Variants in ARL15 observed in about 807,000 individuals in gnomAD.
ARL15 encodes the protein ARF like GTPase 15.
In ARL15, 19 loss-of-function variants were observed where a neutral mutation model predicts 25.2. The observed-to-expected ratio is 0.75, with a 90% CI of 0.53 to 1.10. The LOEUF (loss-of-function observed/expected upper bound fraction) is 1.10, where lower values mean the gene tolerates loss of function less well. Among genes scored for constraint, ARL15 ranks in the 50% least tolerant of loss-of-function variants. The probability of loss-of-function intolerance (pLI) is 0.00; values close to 1 mark genes in which losing one functional copy is unlikely to be tolerated. For synonymous variants in ARL15, 94 were observed against 86.8 expected, an observed-to-expected ratio of 1.08 and a Z score of -0.46; for missense variants, 220 against 246.0, an observed-to-expected ratio of 0.89 and a Z score of 0.71.
In ARL15 at chr5:54,157,693, G is replaced by A. The variant is rs188377087; in HGVS notation, c.194-3054C>T. Among the ~76,000 whole-genome samples, 250 of 152,256 alleles carry A rather than the reference G, an allele frequency of 1.6e-3. 2 individuals carry two copies. Among genetic ancestry groups the A allele is most frequent in the Admixed American group, 8.1e-3 (124 of 15,292 alleles). On this transcript the variant is annotated intron_variant, in intron 2 of 4. Transcript: ENST00000504924. ...CCCAAAGTGCTGGGATTACAGGCAC[G>A]AGCCTCCGCACCCAGCCCCCTAACA...
intron 4 of ARL15, among the ~76,000 whole-genome samples, chr5:53,989,590 TG>T (rs1303883013): frequency 2.0e-5 from 3 of 152,000 alleles, no homozygotes; most frequent in Non-Finnish European, 4.4e-5. Flanking sequence ...TGTGTGTGTG[TG>T]TGTGTGTGTA....
rs138345835 is a variant in ARL15, at chr5:54,141,449, C to T, written c.253+13131G>A. On this transcript the variant is annotated intron_variant, in intron 3 of 4. Coordinates refer to ENST00000504924, the MANE Select transcript of ARL15 (RefSeq NM_019087.3). The stretch of plus-strand genomic sequence containing the variant: ...AATCCAAGAAAAGGGCCAAAGTCTC[C>T]ACAAAACACAATTTCAACGATTTTT... Among the ~76,000 whole-genome samples, 167 of 152,044 alleles carry T rather than the reference C, an allele frequency of 1.1e-3. 1 individual carries two copies. Among genetic ancestry groups the T allele is most frequent in the African/African-American group, 3.7e-3 (153 of 41,472 alleles).
intron 4 of ARL15, among the ~76,000 whole-genome samples, chr5:54,024,895 G>A (rs1749736843): frequency 1.3e-5 from 2 of 152,062 alleles, no homozygotes; most frequent in South Asian, 4.1e-4. Flanking sequence ...CATTTTTTAT[G>A]CATTTACCAA....
Position 54,231,184 on chromosome 5 carries a change from C to G in ARL15, c.49-59256G>C, listed in dbSNP as rs559363560. Among the ~76,000 whole-genome samples, 43 of 152,306 alleles carry G rather than the reference C, an allele frequency of 2.8e-4. 1 individual carries two copies. Among genetic ancestry groups the G allele is most frequent in the African/African-American group, 8.7e-4 (36 of 41,576 alleles). On this transcript the variant is annotated intron_variant, in intron 1 of 4. Transcript: ENST00000504924. ...TGCACCCTTGGCTCCTCTCAACTTG[C>G]TGCTCTGCTGTTCTCTAGTTCAGTG...
At chr5:54,164,667 T>G (rs533945490) in intron 2 of ARL15, among the ~76,000 whole-genome samples, 1 of 152,196 alleles carries the variant, frequency 6.6e-6, no homozygotes, top group South Asian at 2.1e-4. Context: ...AATATTAACA[T>G]AGCTACCCCA....
At chr5:54,169,476 C>T (rs1754661561) in intron 2 of ARL15, among the ~76,000 whole-genome samples, 1 of 152,158 alleles carries the variant, frequency 6.6e-6, no homozygotes, top group African/African-American at 2.4e-5. Flanking sequence ...GTAACAATAG[C>T]CATGTCACCA....
At chr5:54,308,507 T>C (rs72756300) in intron 1 of ARL15, among the ~76,000 whole-genome samples, 41,990 of 152,184 alleles carry the variant, frequency 0.28, 7,114 homozygotes, top group Non-Finnish European at 0.36. Context: ...TGTTAGTAAA[T>C]TGGCAAAGAA....
intron 2 of ARL15, among the ~76,000 whole-genome samples, chr5:54,166,006 T>A (rs1046773865): frequency 1.3e-5 from 2 of 152,140 alleles, no homozygotes; most frequent in African/African-American, 4.8e-5. Context: ...TCCGCAGATT[T>A]AAGTATTAAG....
Position 54,064,512 on chromosome 5 carries a change from T to C in ARL15, c.462+48690A>G, listed in dbSNP as rs1300307017. Among the ~76,000 whole-genome samples, 4 of 152,108 alleles carry C rather than the reference T, an allele frequency of 2.6e-5. No individual in the cohort carries two copies. In the East Asian group the frequency reaches 7.7e-4, roughly 29 times the overall value. On this transcript the variant is annotated intron_variant, in intron 4 of 4. Transcript: ENST00000504924. ...AGTAATTGAATTGTGCTTAGAGAAATGAGGATTGAGAAAAAGGCAGCATTG... is the reference window on the plus strand; with the variant it reads ...AGTAATTGAATTGTGCTTAGAGAAACGAGGATTGAGAAAAAGGCAGCATTG...
intron 4 of ARL15, among the ~76,000 whole-genome samples, chr5:54,098,498 C>T (rs898157719): frequency 2.0e-4 from 31 of 152,042 alleles, no homozygotes; most frequent in African/African-American, 7.0e-4. Flanking sequence ...GTGGAACTGC[C>T]CGGGGTTCCC....
At chr5:54,010,202 AGATTT>A (rs1407128723) in intron 4 of ARL15, among the ~76,000 whole-genome samples, 1 of 152,218 alleles carries the variant, frequency 6.6e-6, no homozygotes, top group Non-Finnish European at 1.5e-5. Flanking sequence ...CTTGAACAGG[AGATTT>A]GCTAAACAAT....
At chr5:53,913,850 A>G (rs76773015) in intron 4 of ARL15, among the ~76,000 whole-genome samples, 3,512 of 152,232 alleles carry the variant, frequency 0.023, 138 homozygotes, top group African/African-American at 0.081. Flanking sequence ...TTATCACTCT[A>G]ATGGTATTTA....
intron 4 of ARL15, among the ~76,000 whole-genome samples, chr5:53,959,763 G>A (rs1453798393): frequency 6.6e-6 from 1 of 152,034 alleles, no homozygotes. Flanking sequence ...ATCCAACGTT[G>A]CATTCCTCCT....
intron 3 of ARL15, among the ~76,000 whole-genome samples, chr5:54,133,680 GA>G (rs995089983): frequency 6.6e-6 from 1 of 152,046 alleles, no homozygotes; most frequent in African/African-American, 2.4e-5. Context: ...CATCAAAGAA[GA>G]AATGGTTACT....
At chr5:54,188,602 T>A (rs1221973094) in intron 1 of ARL15, among the ~76,000 whole-genome samples, 1 of 152,170 alleles carries the variant, frequency 6.6e-6, no homozygotes, top group Admixed American at 6.6e-5. Flanking sequence ...ATAAAATGTA[T>A]CTGAGAGGAT....
chr5:53,927,901 A>G (rs1746081140), intron 4 of ARL15, among the ~76,000 whole-genome samples: 1 of 152,134 alleles, frequency 6.6e-6, no homozygotes, highest in Admixed American at 6.5e-5. Context: ...GTGACCGTGG[A>G]TGTTTCCCTT....
intron 4 of ARL15, among the ~76,000 whole-genome samples, chr5:53,938,798 CA>C (rs1479092166): frequency 1.3e-5 from 2 of 152,170 alleles, no homozygotes; most frequent in African/African-American, 4.8e-5. Flanking sequence ...GAGCCGAGAT[CA>C]TGCCACTGCA....
intron 3 of ARL15, among the ~76,000 whole-genome samples, chr5:54,150,527 G>A (rs529227163): frequency 6.6e-5 from 10 of 152,160 alleles, no homozygotes; most frequent in Non-Finnish European, 1.2e-4. Context: ...AGGGATGGGC[G>A]CAGTGGCTTA....
intron 3 of ARL15, among the ~76,000 whole-genome samples, chr5:54,127,926 C>A (rs919524806): frequency 3.3e-5 from 5 of 151,976 alleles, no homozygotes; most frequent in African/African-American, 9.7e-5. Context: ...GGAAAGGATT[C>A]CCTATTTAAT....
Sources: allele counts gnomAD v4.1 joint callset (sites outside exome capture counted in the v4.1 genomes callset), GRCh38; gene constraint gnomAD v4.1.1; transcripts MANE v1.5; gene names NCBI Gene and HGNC (gene_info 2026-07-23, HGNC 2026-07-21).